PATJ: variants seen among roughly 807,000 people sequenced by gnomAD.
PATJ encodes the protein PATJ crumbs cell polarity complex component, also known as inaD-like protein.
In PATJ, 190 loss-of-function variants were observed where a neutral mutation model predicts 224.9. The observed-to-expected ratio is 0.84, with a 90% CI of 0.75 to 0.95. PATJ has a LOEUF of 0.95. Ranked by LOEUF, PATJ falls within the 40% of genes least tolerant of loss-of-function variation. PATJ has a pLI of 0.00. For missense variants in PATJ, 2,121 were observed against 2,270.3 expected (o/e 0.93, Z 1.34); for synonymous variants, 769 against 820.3 (o/e 0.94, Z 1.07).
chr1:61,909,268 C>T (rs1355537022), intron 25 of PATJ, among the ~76,000 whole-genome samples: 1 of 152,192 alleles, frequency 6.6e-6, no homozygotes, highest in Non-Finnish European at 1.5e-5. Flanking sequence ...GTGTGAGCCA[C>T]TGCGCCTGAC....
At chr1:61,840,218 C>T (rs944330455) in intron 17 of PATJ, among the ~76,000 whole-genome samples, 3 of 151,788 alleles carry the variant, frequency 2.0e-5, no homozygotes, top group African/African-American at 2.4e-5. Context: ...AGTTGTAGGA[C>T]GGGATTGTAT....
In PATJ at chr1:61,976,526, C is replaced by T. The variant is rs188946389; in HGVS notation, c.3671-13642C>T. ...GTTTTAAGTGATTCTCCTGCCTCAGCCTCCCAAGTAGATGGGATTACAGGC... is the reference window on the plus strand; with the variant it reads ...GTTTTAAGTGATTCTCCTGCCTCAGTCTCCCAAGTAGATGGGATTACAGGC... On this transcript the variant is annotated intron_variant, in intron 27 of 43. Coordinates refer to ENST00000642238, the MANE Select transcript of PATJ (RefSeq NM_001350145.3). Among the ~76,000 whole-genome samples, 138 of 152,094 alleles carry T rather than the reference C, an allele frequency of 9.1e-4. 3 individuals carry two copies. Among genetic ancestry groups the T allele is most frequent in the African/African-American group, 3.0e-3 (126 of 41,394 alleles).
At chr1:61,944,594 G>A (rs1051726880) in intron 27 of PATJ, among the ~76,000 whole-genome samples, 17 of 152,246 alleles carry the variant, frequency 1.1e-4, no homozygotes, top group Non-Finnish European at 1.5e-4. Context: ...CCAAATCTAC[G>A]TCTGATTGGT....
At position 61,949,221 on chromosome 1, in the gene PATJ, AAAAG is replaced by A. The variant is rs200989914; in HGVS notation, c.3670+21396_3670+21399del. On this transcript the variant is annotated intron_variant, in intron 27 of 43. Transcript: ENST00000642238. ...AGAACTTAAAGTATAATAATAAAAA[AAAAG>A]AAAAAAAAAGGAAGCCTGCTGCAAA... Among the ~76,000 whole-genome samples, 679 of 152,194 alleles carry A rather than the reference AAAAG, an allele frequency of 4.5e-3. 2 individuals carry two copies. The highest frequency in any genetic ancestry group is 0.024 in the Middle Eastern group (7 of 292).
intron 5 of PATJ, among the ~76,000 whole-genome samples, chr1:61,770,040 T>C (rs1646512108): frequency 6.6e-6 from 1 of 152,224 alleles, no homozygotes; most frequent in African/African-American, 2.4e-5. Context: ...ATTCATTTAA[T>C]AAGTATGCTA....
chr1:61,761,309 G>A (rs1645958831), intron 1 of PATJ, among the ~76,000 whole-genome samples: 1 of 152,044 alleles, frequency 6.6e-6, no homozygotes, highest in African/African-American at 2.4e-5. Flanking sequence ...ATACATCTGT[G>A]TAAACCATAC....
At chr1:61,750,362 T>C (rs1035634184) in intron 1 of PATJ, among the ~76,000 whole-genome samples, 4 of 151,646 alleles carry the variant, frequency 2.6e-5, no homozygotes, top group African/African-American at 9.7e-5. Context: ...TAATAATTAG[T>C]GGATGTTGCT....
Position 61,805,402 on chromosome 1 carries a change from T to C in PATJ, c.1550-46T>C, listed in dbSNP as rs771752695. 4.2e-6 allele frequency: 5 copies of C among 1,186,676 alleles called. No homozygotes were observed. In the East Asian group the frequency reaches 7.0e-5, roughly 17 times the overall value. 73.5% of individuals were successfully genotyped at this position (1,186,676 alleles called of 1,614,324 possible). A position where few individuals can be genotyped will look rare whatever the true frequency, so the allele number is the denominator to read the frequency against. On this transcript the variant is annotated intron_variant, in intron 12 of 43. Coordinates refer to ENST00000642238, the MANE Select transcript of PATJ (RefSeq NM_001350145.3). ...GCAGTTAAGTGTGTTTGGCTCACAG[T>C]AGTTTCAACATTCTCTCGCTCTCTC...
intron 38 of PATJ, among the ~76,000 whole-genome samples, chr1:62,121,906 G>GA (rs1282191053): frequency 6.6e-6 from 1 of 152,068 alleles, no homozygotes; most frequent in Non-Finnish European, 1.5e-5. Context: ...GGTCACTGGA[G>GA]AAAGGTCAGA....
At chr1:62,093,575 A>G (rs1292921645) in intron 33 of PATJ, among the ~76,000 whole-genome samples, 1 of 152,168 alleles carries the variant, frequency 6.6e-6, no homozygotes, top group Non-Finnish European at 1.5e-5. Flanking sequence ...CCTTAGTTTT[A>G]TTTTAAAATC....
intron 38 of PATJ, among the ~76,000 whole-genome samples, chr1:62,121,696 C>T (rs1267513858): frequency 6.6e-6 from 1 of 151,162 alleles, no homozygotes; most frequent in African/African-American, 2.4e-5. Context: ...TTGAAACTGG[C>T]GGGGGTGGTG....
At position 61,889,235 on chromosome 1, in the gene PATJ, AG is replaced by A. The variant is rs570308088; in HGVS notation, c.3131+4830del. On this transcript the variant is annotated intron_variant, in intron 22 of 43. Coordinates refer to ENST00000642238, the MANE Select transcript of PATJ (RefSeq NM_001350145.3). The stretch of plus-strand genomic sequence containing the variant: ...TGTCTACGTGCGTGTGAGTGCACCA[AG>A]GGTAAGTATCTAATGATTGTGATGT... Among the ~76,000 whole-genome samples, 29 of 152,294 alleles carry A rather than the reference AG, an allele frequency of 1.9e-4. No homozygotes were observed. The East Asian group carries it at 2.3e-3, about 12-fold the overall frequency.
At chr1:61,901,633 G>A (rs1671165498) in intron 24 of PATJ, among the ~76,000 whole-genome samples, 174 bp downstream of exon 24, 1 of 152,140 alleles carries the variant, frequency 6.6e-6, no homozygotes, top group African/African-American at 2.4e-5. Flanking sequence ...TTTCTCAAGT[G>A]AGTGTGGGCA....
intron 29 of PATJ, among the ~76,000 whole-genome samples, chr1:62,021,048 C>T (rs1200710830): frequency 6.6e-6 from 1 of 151,954 alleles, no homozygotes; most frequent in Non-Finnish European, 1.5e-5. Context: ...AGGCTGGTCT[C>T]AAACTCCTGG....
At position 61,884,425 on chromosome 1, in the gene PATJ, CTT is replaced by C. The variant is rs778552079; in HGVS notation, c.3131+19_3131+20del. ...TGATACATGGTATGATATCATTTCT[CTT>C]TGTTTTCACATTATAAAATAGTGGT... On this transcript the variant is annotated intron_variant, in intron 22 of 43. Transcript: ENST00000642238. The C allele has an allele frequency of 3.0e-6, 3 of 996,876 alleles. No individual in the cohort carries two copies. The highest frequency in any genetic ancestry group is 3.9e-5 in the African/African-American group (2 of 50,716). 61.8% of individuals were successfully genotyped at this position (996,876 alleles called of 1,614,324 possible). A position where few individuals can be genotyped will look rare whatever the true frequency, so the allele number is the denominator to read the frequency against.
intron 21 of PATJ, among the ~76,000 whole-genome samples, chr1:61,876,228 A>C (rs1667313526): frequency 6.6e-6 from 1 of 152,184 alleles, no homozygotes. Context: ...GATAACATAC[A>C]GTTTCCTGTG....
In PATJ at chr1:62,051,609, G is replaced by C. The variant is rs140962020; in HGVS notation, c.4125+551G>C. 2.7e-3 allele frequency among the ~76,000 whole-genome samples: 414 copies of C among 152,316 alleles called. 5 individuals are homozygous for C. In the East Asian group the frequency reaches 0.044, roughly 16 times the overall value. On this transcript the variant is annotated intron_variant, in intron 31 of 43. Coordinates refer to ENST00000642238, the MANE Select transcript of PATJ (RefSeq NM_001350145.3). The stretch of plus-strand genomic sequence containing the variant: ...CCCAAAGTGCTGGGTTTACAGATGT[G>C]AGCCACTGTGCCTGGCCTGCAATTT...
intron 15 of PATJ, among the ~76,000 whole-genome samples, chr1:61,825,064 A>G (rs992014011): frequency 2.0e-5 from 3 of 152,228 alleles, no homozygotes; most frequent in African/African-American, 4.8e-5. Context: ...GTCCCTTGGC[A>G]TGTCACTTGA....
chr1:62,136,648 C>CGTGTGTGT (rs1297199171), intron 41 of PATJ, among the ~76,000 whole-genome samples: 3 of 71,234 alleles, frequency 4.2e-5, no homozygotes, highest in African/African-American at 1.2e-4. Flanking sequence ...TTATGTTTTG[C>CGTGTGTGT]GTGTGTGTGT....
Sources: allele counts gnomAD v4.1 joint callset (sites outside exome capture counted in the v4.1 genomes callset), GRCh38; gene constraint gnomAD v4.1.1; transcripts MANE v1.5; gene names NCBI Gene and HGNC (gene_info 2026-07-23, HGNC 2026-07-21).